The following FNDC1 variants were observed in gnomAD, a reference collection of about 807,000 sequenced individuals.
The protein encoded by FNDC1 is fibronectin type III domain containing 1.
FNDC1 carries 96 observed loss-of-function variants against 168.0 expected under a neutral mutation model. The observed-to-expected ratio is 0.57, with a 90% confidence interval of 0.48 to 0.68. FNDC1 has a LOEUF of 0.68. Ranked by LOEUF, FNDC1 falls within the 30% of genes least tolerant of loss-of-function variation. The pLI is 0.00. For missense variants in FNDC1, 2,587 were observed against 2,482.1 expected, an observed-to-expected ratio of 1.04 and a Z score of -0.90; for synonymous variants, 1,099 against 1,025.9, an observed-to-expected ratio of 1.07 and a Z score of -1.36.
chr6:159,183,793 C>A (rs61193973), intron 1 of FNDC1, among the ~76,000 whole-genome samples: 1 of 152,166 alleles, frequency 6.6e-6, no homozygotes, highest in Non-Finnish European at 1.5e-5. Context: ...TCACTGTTGT[C>A]GGACATAGAG....
At chr6:159,268,975 TATCCATGTATCTATTTATCCATCCATCC>T (rs762193237) in intron 22 of FNDC1, among the ~76,000 whole-genome samples, 1 of 144,572 alleles carries the variant, frequency 6.9e-6, no homozygotes, top group Non-Finnish European at 1.5e-5. Flanking sequence ...TCTATCCACC[TATCCATGTATCTATTTATCCATCCATCC>T]ATCCATCCAT....
At chr6:159,196,619 A>G (rs1286980559) in intron 1 of FNDC1, among the ~76,000 whole-genome samples, 1 of 152,154 alleles carries the variant, frequency 6.6e-6, no homozygotes, top group African/African-American at 2.4e-5. Context: ...CTCAATAGTC[A>G]GTTTCAGTTC....
At chr6:159,234,574 C>T in intron 11 of FNDC1, 95 bp downstream of exon 11, 2 of 1,129,464 alleles carry the variant, frequency 1.8e-6, no homozygotes, top group Non-Finnish European at 2.6e-6. Context: ...TTAGCACCTA[C>T]TATGTCCACG....
chr6:159,221,540 G>T, intron 5 of FNDC1, 58 bp from the exon 6 acceptor site: 1 of 1,355,622 alleles, frequency 7.4e-7, no homozygotes, highest in Non-Finnish European at 1.1e-6. Flanking sequence ...AGCCCCAGGG[G>T]ATGTGTGTTC....
At chr6:159,200,730 T>A in intron 4 of FNDC1, 149 bp downstream of exon 4, 1 of 636,198 alleles carries the variant, frequency 1.6e-6, no homozygotes, top group South Asian at 2.0e-5. Context: ...TCTTGGTCAA[T>A]CTGTTCTGCA....
At chr6:159,226,414 T>A in intron 8 of FNDC1, 59 bp from the exon 9 acceptor site, 1 of 1,331,188 alleles carries the variant, frequency 7.5e-7, no homozygotes, top group Non-Finnish European at 1.0e-6. Context: ...CATGTGCTAT[T>A]TACATCTAGA....
rs1200007309 is a variant in FNDC1, at chr6:159,250,591, C to T, written c.4835-711C>T. Among the ~76,000 whole-genome samples, 6 of 152,268 alleles carry T rather than the reference C, an allele frequency of 3.9e-5. No homozygotes were observed. The East Asian group carries it at 1.2e-3, about 29-fold the overall frequency. Reference sequence around the variant, plus strand: ...GGGGGTGACAGCCTGCTATCTGATCCTTGCATAGTGGGTACTCTCAGCGTT... The same window carrying T: ...GGGGGTGACAGCCTGCTATCTGATCTTTGCATAGTGGGTACTCTCAGCGTT... On this transcript the variant is annotated intron_variant, in intron 16 of 22. Transcript: ENST00000297267.
At chr6:159,224,579 A>T (rs1782912911) in intron 7 of FNDC1, among the ~76,000 whole-genome samples, 1 of 152,204 alleles carries the variant, frequency 6.6e-6, no homozygotes, top group African/African-American at 2.4e-5. Flanking sequence ...AGACCTCAGA[A>T]GATTCGTAGC....
At position 159,232,823 on chromosome 6, in the gene FNDC1, C is replaced by A. The variant is rs1215430860; in HGVS notation, c.2311C>A (p.Leu771Ile). Reference sequence around the variant, plus strand: ...CATGTCCTCCTCCGTCTCTTCTCATCTCTCGTCCAGGACGCAGGTCTCTGA... The same window carrying A: ...CATGTCCTCCTCCGTCTCTTCTCATATCTCGTCCAGGACGCAGGTCTCTGA... ...STMSSSVSSH[L>I]SSRTQVSEGA... is the part of the protein sequence containing the mutation. Residue 771 changes from leucine to isoleucine, a missense_variant, in exon 11 of 23, where the codon CTC becomes ATC. Leu to Ile is a conservative substitution (Grantham distance 5). Transcript: ENST00000297267. This position sits in a 1 kb window ranked among gnomAD's most constrained non-coding sequence, Gnocchi z 4.9. 1 of 1,613,974 alleles carries A rather than the reference C, an allele frequency of 6.2e-7. No homozygotes were observed. The highest frequency in any genetic ancestry group is 1.7e-5 in the Admixed American group (1 of 60,028).
rs1368918571 is a variant in FNDC1 at position 159,169,937 on chromosome 6, A to T, written c.109+232A>T. ...TTAACTTTGCCGTCGCCCGCCTTGGAGTCGGGAGGCTCCAGCCGTCTAAGT... is the reference window on the plus strand; with the variant it reads ...TTAACTTTGCCGTCGCCCGCCTTGGTGTCGGGAGGCTCCAGCCGTCTAAGT... On this transcript the variant is annotated intron_variant, in intron 1 of 22. Coordinates refer to ENST00000297267, the MANE Select transcript of FNDC1 (RefSeq NM_032532.3). This position sits in a 1 kb window ranked among gnomAD's most constrained non-coding sequence, Gnocchi z 6.8. 4 of 217,450 alleles carry T rather than the reference A, an allele frequency of 1.8e-5. No homozygotes were observed. Among genetic ancestry groups the T allele is most frequent in the East Asian group, 2.1e-4 (2 of 9,482 alleles). The allele number at this position is 217,450 out of a possible 1,614,324, so 13.5% of individuals were successfully genotyped here.
At chr6:159,253,918 G>A (rs1478412037) in intron 17 of FNDC1, among the ~76,000 whole-genome samples, 1 of 152,194 alleles carries the variant, frequency 6.6e-6, no homozygotes, top group African/African-American at 2.4e-5. Flanking sequence ...GTCCCCTCTG[G>A]GGTGGGCCAT....
At chr6:159,186,844 G>T (rs1224463920) in intron 1 of FNDC1, among the ~76,000 whole-genome samples, 2 of 152,220 alleles carry the variant, frequency 1.3e-5, no homozygotes, top group Non-Finnish European at 1.5e-5. Context: ...TCACCATTTG[G>T]CTTCTTTGAG....
At chr6:159,228,861 G>A (rs1032014121) in intron 9 of FNDC1, among the ~76,000 whole-genome samples, 3 of 152,126 alleles carry the variant, frequency 2.0e-5, no homozygotes, top group South Asian at 2.1e-4. Flanking sequence ...TTTTAATAGA[G>A]ACGGGGGTTT....
At chr6:159,265,343 T>C (rs1000715664) in intron 20 of FNDC1, among the ~76,000 whole-genome samples, 5 of 152,226 alleles carry the variant, frequency 3.3e-5, no homozygotes, top group African/African-American at 9.6e-5. Flanking sequence ...AAGTTTTACG[T>C]TGTTTTTCAA....
intron 1 of FNDC1, among the ~76,000 whole-genome samples, chr6:159,189,990 C>T (rs527633180): frequency 6.6e-6 from 1 of 152,312 alleles, no homozygotes; most frequent in South Asian, 2.1e-4. Context: ...TGGAGGTCAG[C>T]TTGACTTTGG....
chr6:159,216,480 G>A (rs75785311), intron 5 of FNDC1, among the ~76,000 whole-genome samples: 1,656 of 152,286 alleles, frequency 0.011, 33 homozygotes, highest in African/African-American at 0.037. Flanking sequence ...CCTGGATAGC[G>A]GACATAGGCT....
At chr6:159,266,389 T>G in intron 21 of FNDC1, 144 bp downstream of exon 21, 1 of 859,688 alleles carries the variant, frequency 1.2e-6, no homozygotes, top group Non-Finnish European at 1.8e-6. Flanking sequence ...ACAAACCAAT[T>G]TTACAGATTC....
At chr6:159,193,827 G>T (rs764648657) in intron 1 of FNDC1, among the ~76,000 whole-genome samples, 6 of 152,182 alleles carry the variant, frequency 3.9e-5, no homozygotes, top group African/African-American at 7.2e-5. Flanking sequence ...AGAAATCTAG[G>T]TGGGGATTGT....
At chr6:159,229,415 A>G (rs1446241759) in intron 9 of FNDC1, among the ~76,000 whole-genome samples, 1 of 152,246 alleles carries the variant, frequency 6.6e-6, no homozygotes, top group Non-Finnish European at 1.5e-5. Context: ...GATGCTATTC[A>G]GGATCCATTC....
Sources: gnomAD v4.1 joint callset for allele counts (sites outside exome capture counted in the v4.1 genomes callset) on GRCh38, gnomAD v4.1.1 for gene constraint, Gnocchi (gnomAD v3.1) non-coding constraint, MANE v1.5 for transcripts, NCBI Gene and HGNC (gene_info 2026-07-23, HGNC 2026-07-21) for gene names.